Variants in CEBPZOS observed in about 807,000 individuals in gnomAD.
CEBPZOS encodes protein CEBPZOS.
CEBPZOS carries 10 observed loss-of-function variants against 4.8 expected under a neutral mutation model. The ratio of observed to expected loss-of-function variants is 2.07; its 90% CI spans 1.28 to 3.52. The LOEUF is 3.52. Ranked by LOEUF, CEBPZOS falls within the 30% of genes most tolerant of loss-of-function variation. The pLI, the probability that CEBPZOS is intolerant of heterozygous loss-of-function variation, is 0.00. For synonymous variants in CEBPZOS, 25 were observed against 14.2 expected (o/e 1.77, Z -1.72); for missense variants, 98 against 43.6 (o/e 2.25, Z -3.51).
chr2:37,201,327 T>C (rs1257647687), intron 3 of CEBPZOS: 9 of 516,096 alleles, frequency 1.7e-5, no homozygotes, highest in Admixed American at 7.4e-5. Flanking sequence ...TATGAGGTGA[T>C]AGAATCAAAC....
chr2:37,203,335 T>G lies in CEBPZOS; in HGVS notation c.*1475T>G. On this transcript the variant is annotated 3_prime_UTR_variant, in exon 5 of 5. Coordinates refer to ENST00000402297, the MANE Select transcript of CEBPZOS (RefSeq NM_001322374.2). Reference sequence around the variant, plus strand: ...AAATTATCAGTTTGACATGGATGGGTTTTGAAATACTTAAGACACAACATA... The same window carrying G: ...AAATTATCAGTTTGACATGGATGGGGTTTGAAATACTTAAGACACAACATA... The G allele has an allele frequency of 5.9e-6, 1 of 170,706 alleles. No individual in the cohort carries two copies. The highest frequency in any genetic ancestry group is 1.2e-5 in the Non-Finnish European group (1 of 80,756). The allele number at this position is 170,706 out of a possible 1,614,324, so 10.6% of individuals were successfully genotyped here. A position where few individuals can be genotyped will look rare whatever the true frequency, so the allele number is the denominator to read the frequency against.
chr2:37,207,823 C>T (rs1205847280), downstream of CEBPZOS, among the ~76,000 whole-genome samples: 1 of 151,940 alleles, frequency 6.6e-6, no homozygotes, highest in Non-Finnish European at 1.5e-5. Context: ...CTAAATAAAA[C>T]TGAAGCAAAC....
At chr2:37,209,650 G>C (rs769744389), downstream of CEBPZOS, 6 of 152,038 alleles carry the variant, frequency 3.9e-5, no homozygotes, top group African/African-American at 1.4e-4. Context: ...AAGATGGATC[G>C]AAGACTTAAA....
chr2:37,211,849 C>T (rs540701590), intron 4 of CEBPZOS: 24 of 1,591,746 alleles, frequency 1.5e-5, no homozygotes, highest in South Asian at 5.8e-5. Flanking sequence ...TTACCTGGAA[C>T]GCTCTCACTT....
chr2:37,200,601 A>G (rs1270417948), intron 2 of CEBPZOS, among the ~76,000 whole-genome samples: 2 of 152,118 alleles, frequency 1.3e-5, no homozygotes. Flanking sequence ...TCGGGAGGCC[A>G]AGGTGGAAGG....
At chr2:37,212,680 T>C (rs569538684) in intron 4 of CEBPZOS, 17 of 428,316 alleles carry the variant, frequency 4.0e-5, no homozygotes, top group Admixed American at 2.5e-4. Context: ...TATTTAGCAA[T>C]TGTCGTCCTT....
downstream of CEBPZOS, among the ~76,000 whole-genome samples, chr2:37,207,373 G>A (rs1378912534): frequency 6.6e-6 from 1 of 152,100 alleles, no homozygotes; most frequent in Non-Finnish European, 1.5e-5. Context: ...AGCACACGGA[G>A]CATTCTCAAG....
At chr2:37,207,552 G>C (rs1412351196), downstream of CEBPZOS, among the ~76,000 whole-genome samples, 1 of 152,172 alleles carries the variant, frequency 6.6e-6, no homozygotes, top group African/African-American at 2.4e-5. Context: ...GCTCTTGAAT[G>C]ATCTTTGTGT....
chr2:37,199,800 C>G lies in CEBPZOS; in HGVS notation c.96C>G (p.Ser32Arg), dbSNP rs1310688079. Residue 32 changes from serine (S) to arginine (R), a missense_variant, in exon 2 of 5, where the codon AGC (serine) becomes AGG (arginine). Ser to Arg is a moderately radical substitution (Grantham distance 110). Transcript: ENST00000402297. ...TTTTTGGAGCATATTTTTTGTTTAG[C>G]AAGATGCACACAAGCCAAGGTAATC... is the stretch of plus-strand genomic sequence containing the variant. The part of the protein sequence containing the change: ...VGVFGAYFLF[S>R]KMHTSQDFRQ... The G allele has an allele frequency of 7.0e-6, 5 of 717,466 alleles. No individual in the cohort carries two copies. In the South Asian group the frequency reaches 7.4e-5, roughly 11 times the overall value. The allele number at this position is 717,466 out of a possible 1,614,324, so 44.4% of individuals were successfully genotyped here.
intron 1 of CEBPZOS, 36 bp downstream of exon 1, chr2:37,196,556 GGATTTCGGGGTC>G (rs1553347088): frequency 6.6e-6 from 1 of 152,358 alleles, no homozygotes; most frequent in Non-Finnish European, 1.5e-5. Context: ...ATGGGCGGTC[GGATTTCGGGGTC>G]CCTAGTGCGA....
chr2:37,204,751 C>CT (rs1657517798), downstream of CEBPZOS: 1 of 152,184 alleles, frequency 6.6e-6, no homozygotes, highest in South Asian at 2.1e-4. Flanking sequence ...TTCCTTGCCT[C>CT]TTTTTGTTTC....
chr2:37,197,372 GT>G (rs1354077591), intron 1 of CEBPZOS: 1 of 152,206 alleles, frequency 6.6e-6, no homozygotes, highest in Non-Finnish European at 1.5e-5. Flanking sequence ...GTTGTACGGT[GT>G]TATTTGGAGG....
At chr2:37,198,973 G>A (rs929730490) in intron 1 of CEBPZOS, among the ~76,000 whole-genome samples, 5 of 151,920 alleles carry the variant, frequency 3.3e-5, no homozygotes, top group Admixed American at 6.6e-5. Flanking sequence ...GGGCAACATG[G>A]TGAGACCCTG....
In CEBPZOS at chr2:37,202,843, T is replaced by G; in HGVS notation, c.*983T>G. 2 of 1,602,454 alleles carry G rather than the reference T, an allele frequency of 1.2e-6. No individual in the cohort carries two copies. Among genetic ancestry groups the G allele is most frequent in the South Asian group, 2.3e-5 (2 of 88,544 alleles). On this transcript the variant is annotated 3_prime_UTR_variant, in exon 5 of 5. Coordinates refer to ENST00000402297, the MANE Select transcript of CEBPZOS (RefSeq NM_001322374.2). Reference sequence around the variant, plus strand: ...AATGTTATCAAACTTGGATCCCATATTTTCATCCAATAGATGGCCAAACTT... The same window carrying G: ...AATGTTATCAAACTTGGATCCCATAGTTTCATCCAATAGATGGCCAAACTT...
downstream of CEBPZOS, chr2:37,216,023 A>C (rs2148354157): frequency 1.4e-6 from 1 of 707,070 alleles, no homozygotes; most frequent in South Asian, 2.6e-5. Flanking sequence ...AAAAAGATGG[A>C]TAATGTCTTT....
rs1162492676 is a variant in CEBPZOS at position 37,202,519 on chromosome 2, C to G, written c.*659C>G. 2 of 274,220 alleles carry G rather than the reference C, an allele frequency of 7.3e-6. No homozygotes were observed. Among genetic ancestry groups the G allele is most frequent in the Non-Finnish European group, 1.4e-5 (2 of 143,550 alleles). 17.0% of individuals were successfully genotyped at this position (274,220 alleles called of 1,614,324 possible). On this transcript the variant is annotated 3_prime_UTR_variant, in exon 5 of 5. Coordinates refer to ENST00000402297, the MANE Select transcript of CEBPZOS (RefSeq NM_001322374.2). ...AATTAGCTGGGCGTGGTGGTGCATG[C>G]CTGTAATCCCAGCTACTTGGGAGGC...
chr2:37,208,893 A>C (rs1677625467), downstream of CEBPZOS: 1 of 151,976 alleles, frequency 6.6e-6, no homozygotes, highest in African/African-American at 2.4e-5. Flanking sequence ...GAAAACCCTA[A>C]AGACTCATCC....
intron 1 of CEBPZOS, among the ~76,000 whole-genome samples, chr2:37,198,841 A>G (rs1352825328): frequency 1.3e-5 from 2 of 152,210 alleles, no homozygotes; most frequent in East Asian, 1.9e-4. Context: ...CCCTGCCCCC[A>G]TTTGTATAAA....
intron 4 of CEBPZOS, chr2:37,210,001 A>G (rs1238979816): frequency 6.6e-6 from 1 of 152,200 alleles, no homozygotes. Flanking sequence ...AGATATACAA[A>G]TGGTCAAGAA....
Sources: allele counts gnomAD v4.1 joint callset (sites outside exome capture counted in the v4.1 genomes callset), GRCh38; gene constraint gnomAD v4.1.1; transcripts MANE v1.5; gene names NCBI Gene and HGNC (gene_info 2026-07-23, HGNC 2026-07-21).